The following TENM4 variants were observed in gnomAD, a reference collection of about 807,000 sequenced individuals.
The protein encoded by TENM4 is teneurin transmembrane protein 4.
Under a neutral mutation model 243.3 loss-of-function variants are expected in TENM4, and 82 were observed. The observed-to-expected ratio is 0.34, with a 90% CI of 0.28 to 0.40. The LOEUF (loss-of-function observed/expected upper bound fraction) is 0.40. Among genes scored for constraint, TENM4 ranks in the 10% least tolerant of loss-of-function variants. The pLI, the probability that TENM4 is intolerant of heterozygous loss-of-function variation, is 1.00. For synonymous variants in TENM4, 1,412 were observed against 1,456.3 expected, an observed-to-expected ratio of 0.97 and a Z score of 0.69; for missense variants, 3,138 against 3,673.3, an observed-to-expected ratio of 0.85 and a Z score of 3.77.
chr11:78,707,597 T>C (rs1299722880), intron 27 of TENM4, among the ~76,000 whole-genome samples: 1 of 152,284 alleles, frequency 6.6e-6, no homozygotes, highest in Non-Finnish European at 1.5e-5. Context: ...TTTGTGCCTT[T>C]GCACATGCTG....
At chr11:78,745,227 C>CT (rs1783943) in intron 19 of TENM4, among the ~76,000 whole-genome samples, 12,509 of 128,016 alleles carry the variant, frequency 0.098, 1,968 homozygotes, top group African/African-American at 0.33. Context: ...TTTTCTTTTT[C>CT]TTTTTTTTTT....
intron 6 of TENM4, among the ~76,000 whole-genome samples, chr11:78,906,600 G>A (rs1363443500): frequency 1.3e-5 from 2 of 152,204 alleles, no homozygotes; most frequent in South Asian, 2.1e-4. Flanking sequence ...GACAAGGAAT[G>A]TTTTCTATGG....
chr11:78,944,066 G>A (rs1856960979), intron 6 of TENM4, among the ~76,000 whole-genome samples: 1 of 152,138 alleles, frequency 6.6e-6, no homozygotes, highest in African/African-American at 2.4e-5. Flanking sequence ...CAGAGCAGCT[G>A]GTTTTCTTCT....
intron 3 of TENM4, among the ~76,000 whole-genome samples, chr11:79,179,307 C>T (rs1863235780): frequency 1.3e-5 from 2 of 152,180 alleles, no homozygotes; most frequent in South Asian, 2.1e-4. Context: ...TGGCCCAGCA[C>T]ATGTTTTTTA....
At position 79,261,429 on chromosome 11, in the gene TENM4, GA is replaced by G. The variant is rs1403864084; in HGVS notation, c.-265+36058del. The stretch of plus-strand genomic sequence containing the variant: ...GGCCTGTTCCTGTGAATTCCTTCAA[GA>G]AATGCTTGCTGTGATTCCATGAAAT... On this transcript the variant is annotated intron_variant, in intron 2 of 33. Transcript: ENST00000278550. Among the ~76,000 whole-genome samples the G allele has an allele frequency of 2.0e-5, 3 of 152,144 alleles. No homozygotes were observed. The East Asian group carries it at 5.8e-4, about 29-fold the overall frequency.
intron 3 of TENM4, among the ~76,000 whole-genome samples, chr11:79,172,012 T>A (rs769958321): frequency 1.6e-4 from 24 of 152,236 alleles, no homozygotes; most frequent in Admixed American, 7.2e-4. Flanking sequence ...AGTGCAGTGA[T>A]GTGATCATAG....
intron 1 of TENM4, among the ~76,000 whole-genome samples, chr11:79,302,282 A>G (rs978840435): frequency 2.0e-5 from 3 of 152,214 alleles, no homozygotes; most frequent in African/African-American, 7.2e-5. Context: ...ATTTAAGCCT[A>G]TTCAAGAAGG....
chr11:79,159,967 T>C (rs114903660), intron 3 of TENM4, among the ~76,000 whole-genome samples: 177 of 152,360 alleles, frequency 1.2e-3, no homozygotes, highest in African/African-American at 4.1e-3. Flanking sequence ...TGTTGATTTA[T>C]TTATTCACGA....
At chr11:78,748,024 C>G (rs1856090781) in intron 19 of TENM4, among the ~76,000 whole-genome samples, 2 of 152,164 alleles carry the variant, frequency 1.3e-5, no homozygotes, top group African/African-American at 4.8e-5. Context: ...TCTGGAAGGT[C>G]CATTCACCCC....
chr11:78,973,656 T>G (rs1326645410), intron 6 of TENM4, among the ~76,000 whole-genome samples: 3 of 151,988 alleles, frequency 2.0e-5, no homozygotes, highest in Non-Finnish European at 4.4e-5. Flanking sequence ...GCTTACATTC[T>G]AGTGAAAGAA....
At chr11:78,746,458 G>A (rs1856053531) in intron 19 of TENM4, among the ~76,000 whole-genome samples, 1 of 152,274 alleles carries the variant, frequency 6.6e-6, no homozygotes, top group Non-Finnish European at 1.5e-5. Context: ...GAATCAATCT[G>A]TCAAGGCTGT....
chr11:78,735,343 A>AC (rs1183032810), intron 20 of TENM4, among the ~76,000 whole-genome samples: 6 of 152,232 alleles, frequency 3.9e-5, no homozygotes, highest in African/African-American at 1.4e-4. Flanking sequence ...GAAATACTCA[A>AC]AGAACAATTT....
chr11:79,243,977 G>A (rs1200678653), intron 2 of TENM4, among the ~76,000 whole-genome samples: 1 of 152,188 alleles, frequency 6.6e-6, no homozygotes, highest in Non-Finnish European at 1.5e-5. Flanking sequence ...TGGAGCCTGA[G>A]AGTGCATTTC....
At chr11:78,903,129 T>G in intron 7 of TENM4, 139 bp downstream of exon 7, 2 of 1,245,216 alleles carry the variant, frequency 1.6e-6, no homozygotes, top group Non-Finnish European at 2.1e-6. Flanking sequence ...GGGAACCGCA[T>G]CCCTAAACCG....
intron 1 of TENM4, among the ~76,000 whole-genome samples, chr11:79,301,253 C>A (rs1021476091): frequency 6.6e-6 from 1 of 152,196 alleles, no homozygotes; most frequent in Non-Finnish European, 1.5e-5. Flanking sequence ...CTTTTCCTCA[C>A]AAGGCTGCTT....
chr11:78,771,186 G>A, intron 17 of TENM4, 48 bp from the exon 18 acceptor site: 1 of 1,548,648 alleles, frequency 6.5e-7, no homozygotes, highest in South Asian at 1.2e-5. Context: ...AGAGTCAACT[G>A]CCATCACACA....
chr11:79,184,248 A>T (rs1863342715), intron 3 of TENM4, among the ~76,000 whole-genome samples: 1 of 152,150 alleles, frequency 6.6e-6, no homozygotes, highest in South Asian at 2.1e-4. Flanking sequence ...GGTACCAGGG[A>T]CTGGTTTCAT....
chr11:78,657,906 TAA>T lies in TENM4; in HGVS notation c.*150_*151del. On this transcript the variant is annotated 3_prime_UTR_variant, in exon 34 of 34. Coordinates refer to ENST00000278550, the MANE Select transcript of TENM4 (RefSeq NM_001098816.3). The stretch of plus-strand genomic sequence containing the variant: ...AGGCCAAATCTGTGTTTTTCTTTTC[TAA>T]AAAAAAGGATGTTGCATGAGTTACA... 1.6e-6 allele frequency: 2 copies of T among 1,268,440 alleles called. No homozygotes were observed. The highest frequency in any genetic ancestry group is 1.1e-6 in the Non-Finnish European group (1 of 886,164). The allele number at this position is 1,268,440 out of a possible 1,614,324, so 78.6% of individuals were successfully genotyped here. A position where few individuals can be genotyped will look rare whatever the true frequency, so the allele number is the denominator to read the frequency against.
At chr11:79,171,059 C>T (rs1425666694) in intron 3 of TENM4, among the ~76,000 whole-genome samples, 2 of 152,078 alleles carry the variant, frequency 1.3e-5, no homozygotes, top group African/African-American at 4.8e-5. Context: ...AGCATCTTTT[C>T]CCATTACATG....
Sources: gnomAD v4.1 joint callset for allele counts (sites outside exome capture counted in the v4.1 genomes callset) on GRCh38, gnomAD v4.1.1 for gene constraint, MANE v1.5 for transcripts, NCBI Gene and HGNC (gene_info 2026-07-23, HGNC 2026-07-21) for gene names.